PPARG: variants seen among roughly 807,000 people sequenced by gnomAD.
PPARG encodes the protein peroxisome proliferator activated receptor gamma.
Under a neutral mutation model 39.2 loss-of-function variants are expected in PPARG, and 17 were observed. The ratio of observed to expected loss-of-function variants is 0.43; its 90% CI spans 0.30 to 0.65. The LOEUF (loss-of-function observed/expected upper bound fraction) is 0.65, where lower values mean the gene tolerates loss of function less well. PPARG is among the 30% of genes least tolerant of loss of function. The pLI, the probability that PPARG is intolerant of heterozygous loss-of-function variation, is 0.13. For synonymous variants in PPARG, 223 were observed against 215.7 expected, an observed-to-expected ratio of 1.03 and a Z score of -0.30; for missense variants, 406 against 585.9, an observed-to-expected ratio of 0.69 and a Z score of 3.17.
chr3:12,394,639 A>C (rs972125402), intron 5 of PPARG, among the ~76,000 whole-genome samples: 3 of 152,222 alleles, frequency 2.0e-5, no homozygotes, highest in African/African-American at 7.2e-5. Context: ...GCAGTTCAAC[A>C]CTTAAAAAAT....
chr3:12,331,802 G>T (rs888918549), intron 2 of PPARG, among the ~76,000 whole-genome samples: 8 of 152,214 alleles, frequency 5.3e-5, no homozygotes, highest in African/African-American at 1.7e-4. Context: ...GCAATGATCA[G>T]CTGGGAGATT....
chr3:12,381,886 C>G (rs1198479608), intron 4 of PPARG, among the ~76,000 whole-genome samples: 2 of 152,156 alleles, frequency 1.3e-5, no homozygotes. Flanking sequence ...GACCTGGAAC[C>G]AGGATGCAGA....
chr3:12,332,846 C>T (rs2047899926), intron 2 of PPARG, among the ~76,000 whole-genome samples: 1 of 152,080 alleles, frequency 6.6e-6, no homozygotes, highest in South Asian at 2.1e-4. Flanking sequence ...GCCTGGGAAA[C>T]ATAGTGAGAC....
intron 4 of PPARG, among the ~76,000 whole-genome samples, chr3:12,384,295 A>C (rs2049794787): frequency 6.6e-6 from 1 of 152,148 alleles, no homozygotes; most frequent in South Asian, 2.1e-4. Context: ...TACTGATTGC[A>C]CAGAATAAAT....
chr3:12,350,562 A>G (rs1429953638), intron 2 of PPARG, among the ~76,000 whole-genome samples: 1 of 152,218 alleles, frequency 6.6e-6, no homozygotes, highest in Admixed American at 6.6e-5. Context: ...CACTCATGTG[A>G]CAAGACCTGC....
intron 4 of PPARG, among the ~76,000 whole-genome samples, chr3:12,386,718 CT>C (rs1321579333): frequency 1.3e-5 from 2 of 151,926 alleles, no homozygotes; most frequent in Admixed American, 1.3e-4. Flanking sequence ...GTTATCTTTT[CT>C]TTTTTTTATT....
At chr3:12,372,570 A>G (rs1467564845) in intron 2 of PPARG, among the ~76,000 whole-genome samples, 5 of 152,192 alleles carry the variant, frequency 3.3e-5, no homozygotes, top group African/African-American at 1.2e-4. Context: ...GCTAATGTAA[A>G]TATGAAGAAG....
chr3:12,371,699 G>T (rs41311317), intron 2 of PPARG, among the ~76,000 whole-genome samples: 1 of 152,198 alleles, frequency 6.6e-6, no homozygotes, highest in Non-Finnish European at 1.5e-5. Flanking sequence ...ATAACACAGC[G>T]CTGAGAATGC....
At chr3:12,308,555 C>A (rs1370252074) in intron 1 of PPARG, among the ~76,000 whole-genome samples, 14 of 151,988 alleles carry the variant, frequency 9.2e-5, no homozygotes, top group Admixed American at 9.2e-4. Flanking sequence ...TACAGTTAAA[C>A]AAATTATATT....
At chr3:12,409,325 C>A (rs2050790464) in intron 6 of PPARG, among the ~76,000 whole-genome samples, 1 of 152,010 alleles carries the variant, frequency 6.6e-6, no homozygotes, top group Admixed American at 6.6e-5. Flanking sequence ...CAAAACTAAA[C>A]TACAATTGTT....
rs2051445792 is a variant in PPARG, at chr3:12,426,337, CTGTT to C, written c.1181-7557_1181-7554del. ...TGTGCTGGTTACAGATGATCTTTAT[CTGTT>C]TGTCAAAGCATTTGCAAGATCTCTA... On this transcript the variant is annotated intron_variant, in intron 7 of 7. Coordinates refer to ENST00000651735, the MANE Select transcript of PPARG (RefSeq NM_138711.6). Among the ~76,000 whole-genome samples the C allele has an allele frequency of 2.0e-5, 3 of 152,320 alleles. No individual in the cohort carries two copies. In the South Asian group the frequency reaches 6.2e-4, roughly 32 times the overall value.
intron 1 of PPARG, among the ~76,000 whole-genome samples, chr3:12,290,797 T>G (rs1219466331): frequency 3.3e-5 from 5 of 152,202 alleles, no homozygotes. Context: ...CCGTGGAACA[T>G]ATACAAGTAT....
chr3:12,390,637 CTTTT>C (rs35190152), intron 4 of PPARG, among the ~76,000 whole-genome samples: 7 of 92,382 alleles, frequency 7.6e-5, no homozygotes, highest in African/African-American at 2.2e-4. Flanking sequence ...TATTTTCTTC[CTTTT>C]TTTTTTTTTT....
In PPARG at chr3:12,434,196, T is replaced by G; in HGVS notation, c.*51T>G. 6.2e-7 allele frequency: 1 copy of G among 1,612,388 alleles called. No homozygotes were observed. The highest frequency in any genetic ancestry group is 8.5e-7 in the Non-Finnish European group (1 of 1,178,866). ...ATTTCCCTTCTTCCAGTTGCACTAT[T>G]CTGAGGGAAAATCTGACACCTAAGA... On this transcript the variant is annotated 3_prime_UTR_variant, in exon 8 of 8. Coordinates refer to ENST00000651735, the MANE Select transcript of PPARG (RefSeq NM_138711.6). This position sits in a 1 kb window ranked among gnomAD's most constrained non-coding sequence, Gnocchi z 4.2.
chr3:12,300,523 G>C (rs986622474), intron 1 of PPARG, among the ~76,000 whole-genome samples: 1 of 150,846 alleles, frequency 6.6e-6, no homozygotes, highest in Non-Finnish European at 1.5e-5. Context: ...TAAATGTCAG[G>C]TTGACTTTCT....
chr3:12,408,401 T>C (rs753523588), intron 6 of PPARG, among the ~76,000 whole-genome samples: 7 of 152,098 alleles, frequency 4.6e-5, no homozygotes, highest in Non-Finnish European at 8.8e-5. Flanking sequence ...ATGATAAAAT[T>C]GGCCATAGCA....
chr3:12,346,040 A>G (rs2048315932), intron 2 of PPARG, among the ~76,000 whole-genome samples: 1 of 152,222 alleles, frequency 6.6e-6, no homozygotes, highest in South Asian at 2.1e-4. Context: ...ATGCAACGAC[A>G]AGTTAACATA....
At chr3:12,311,105 A>T (rs762061530) in intron 1 of PPARG, among the ~76,000 whole-genome samples, 20 of 151,142 alleles carry the variant, frequency 1.3e-4, no homozygotes, top group African/African-American at 2.9e-4. Context: ...CTGTATTAAA[A>T]TTTTTTTTTT....
At chr3:12,426,552 G>A in intron 7 of PPARG, among the ~76,000 whole-genome samples, 1 of 151,702 alleles carries the variant, frequency 6.6e-6, no homozygotes, top group Non-Finnish European at 1.5e-5. Flanking sequence ...GCAGGGAGGG[G>A]GAAGGCTGAA....
Sources: allele counts gnomAD v4.1 joint callset (sites outside exome capture counted in the v4.1 genomes callset), GRCh38; gene constraint gnomAD v4.1.1; non-coding constraint Gnocchi (gnomAD v3.1); transcripts MANE v1.5; gene names NCBI Gene and HGNC (gene_info 2026-07-23, HGNC 2026-07-21).